Variants in RGS8 observed in about 807,000 individuals in gnomAD.
RGS8 encodes the protein regulator of G protein signaling 8, also known as regulator of G-protein signaling 8.
Under a neutral mutation model 21.7 loss-of-function variants are expected in RGS8, and 8 were observed. The observed-to-expected ratio is 0.37, with a 90% CI of 0.22 to 0.66. RGS8 has a LOEUF of 0.66. RGS8 is among the 30% of genes least tolerant of loss of function. The pLI is 0.59. For synonymous variants in RGS8, 80 were observed against 83.6 expected, an observed-to-expected ratio of 0.96 and a Z score of 0.24; for missense variants, 157 against 217.9, an observed-to-expected ratio of 0.72 and a Z score of 1.76.
At chr1:182,653,988 T>G (rs1361614677) in intron 5 of RGS8, among the ~76,000 whole-genome samples, 1 of 151,576 alleles carries the variant, frequency 6.6e-6, no homozygotes, top group African/African-American at 2.4e-5. Context: ...TTATTTAGGA[T>G]GCGGGGCAAG....
rs141109668 is a variant in RGS8 at position 182,670,488 on chromosome 1, T to A, written c.-103-736A>T. 7.7e-4 allele frequency among the ~76,000 whole-genome samples: 117 copies of A among 152,332 alleles called. 1 individual carries two copies. Among genetic ancestry groups the A allele is most frequent in the African/African-American group, 2.6e-3 (108 of 41,572 alleles). On this transcript the variant is annotated intron_variant, in intron 2 of 6. Transcript: ENST00000483095. ...AGTCTTCCTCTCCTGAGGGTCCCAT[T>A]CTCAGTGCTTCAAACCCTTTGTTCC...
chr1:182,721,158 G>T, the RGS8 span, among the ~76,000 whole-genome samples: 72 of 150,322 alleles, frequency 4.8e-4, no homozygotes, highest in Non-Finnish European at 7.4e-5. Context: ...GTCTGATAAA[G>T]ATCTTCTTCA....
the RGS8 span, among the ~76,000 whole-genome samples, chr1:182,739,914 C>T: frequency 6.6e-6 from 1 of 152,164 alleles, no homozygotes; most frequent in Non-Finnish European, 1.5e-5. Flanking sequence ...AATGGCTTTT[C>T]GTCCCTACCC....
At chr1:182,746,663 A>C in the RGS8 span, among the ~76,000 whole-genome samples, 1 of 151,956 alleles carries the variant, frequency 6.6e-6, no homozygotes, top group Non-Finnish European at 1.5e-5. Flanking sequence ...AAAAGAAAGA[A>C]AGAAAGAAGG....
chr1:182,737,578 G>C, the RGS8 span, among the ~76,000 whole-genome samples: 6 of 152,304 alleles, frequency 3.9e-5, no homozygotes, highest in African/African-American at 9.6e-5. Context: ...CTGCATGTAA[G>C]ACGTGCTTTT....
At chr1:182,674,293 A>G (rs941885730), upstream of RGS8, among the ~76,000 whole-genome samples, 3 of 152,230 alleles carry the variant, frequency 2.0e-5, no homozygotes, top group Admixed American at 1.3e-4. Flanking sequence ...AGAATCTTCA[A>G]TTAGCCTTTG....
chr1:182,704,625 T>G, the RGS8 span, among the ~76,000 whole-genome samples: 1 of 152,274 alleles, frequency 6.6e-6, no homozygotes, highest in South Asian at 2.1e-4. Flanking sequence ...CCCTTTCCAC[T>G]CCCCTGCTGC....
upstream of RGS8, among the ~76,000 whole-genome samples, chr1:182,676,281 T>C (rs999298985): frequency 1.3e-5 from 2 of 152,244 alleles, no homozygotes; most frequent in African/African-American, 4.8e-5. Flanking sequence ...TATTGCCAAA[T>C]GCCCCTGTGT....
chr1:182,711,904 A>C, the RGS8 span, among the ~76,000 whole-genome samples: 1 of 152,204 alleles, frequency 6.6e-6, no homozygotes, highest in South Asian at 2.1e-4. Context: ...TCTAATTTGC[A>C]GAATTTAGAA....
chr1:182,705,767 C>T, the RGS8 span, among the ~76,000 whole-genome samples: 10 of 152,134 alleles, frequency 6.6e-5, no homozygotes, highest in Non-Finnish European at 8.8e-5. Context: ...TCCAATTCTT[C>T]TCATGGATTT....
At chr1:182,660,119 A>C (rs186438539) in intron 5 of RGS8, among the ~76,000 whole-genome samples, 276 of 152,308 alleles carry the variant, frequency 1.8e-3, no homozygotes, top group African/African-American at 6.2e-3. Flanking sequence ...TAATTAGAAT[A>C]GTTATTTTTT....
At chr1:182,689,264 GACACACACACACACACACAC>G (rs34000229), upstream of RGS8, among the ~76,000 whole-genome samples, 28 of 125,770 alleles carry the variant, frequency 2.2e-4, no homozygotes, top group African/African-American at 7.5e-4. Context: ...CACACACACA[GACACACACACACACACACAC>G]ACACACACAC....
At chr1:182,739,969 A>C in the RGS8 span, among the ~76,000 whole-genome samples, 9 of 151,942 alleles carry the variant, frequency 5.9e-5, no homozygotes, top group African/African-American at 1.5e-4. Flanking sequence ...AGCTCCCAAC[A>C]CCCAACCCCC....
chr1:182,702,363 CA>C, the RGS8 span, among the ~76,000 whole-genome samples: 1 of 152,006 alleles, frequency 6.6e-6, no homozygotes, highest in African/African-American at 2.4e-5. Context: ...AAGATGGCAA[CA>C]ATCGAAAAGA....
the RGS8 span, among the ~76,000 whole-genome samples, chr1:182,699,976 C>T: frequency 1.3e-5 from 2 of 152,226 alleles, no homozygotes; most frequent in Non-Finnish European, 2.9e-5. Context: ...GATCCGGCAC[C>T]TCACACCCTG....
exon 3 of RGS8, chr1:182,669,682 G>C: frequency 6.2e-7 from 1 of 1,614,080 alleles, no homozygotes; most frequent in Non-Finnish European, 8.5e-7. Flanking sequence ...CCCTTGGGCT[G>C]GTATGCAGGG....
chr1:182,684,859 G>A (rs983800022), upstream of RGS8, among the ~76,000 whole-genome samples: 1 of 152,194 alleles, frequency 6.6e-6, no homozygotes, highest in Non-Finnish European at 1.5e-5. This position sits in a 1 kb window ranked among gnomAD's most constrained non-coding sequence, Gnocchi z 4.2. Context: ...GAGGCGAAAC[G>A]GGGTAACTGG....
At chr1:182,647,655 T>C (rs1023157554) in intron 6 of RGS8, among the ~76,000 whole-genome samples, 1 of 152,206 alleles carries the variant, frequency 6.6e-6, no homozygotes, top group African/African-American at 2.4e-5. Context: ...CAGTGGCAAA[T>C]ACTGAACAGG....
At chr1:182,665,633 A>T (rs1169970511) in intron 5 of RGS8, among the ~76,000 whole-genome samples, 1 of 152,184 alleles carries the variant, frequency 6.6e-6, no homozygotes, top group Non-Finnish European at 1.5e-5. Context: ...TACAAACAAG[A>T]TCTGGCTGGA....
Sources: gnomAD v4.1 joint callset for allele counts (sites outside exome capture counted in the v4.1 genomes callset) on GRCh38, gnomAD v4.1.1 for gene constraint, Gnocchi (gnomAD v3.1) non-coding constraint, MANE v1.5 for transcripts, NCBI Gene and HGNC (gene_info 2026-07-23, HGNC 2026-07-21) for gene names.